Variants in CSGALNACT1 observed in about 807,000 individuals in gnomAD.
CSGALNACT1 encodes chondroitin sulfate N-acetylgalactosaminyltransferase 1.
CSGALNACT1 carries 52 observed loss-of-function variants against 51.0 expected under a neutral mutation model. The observed-to-expected ratio is 1.02, with a 90% CI of 0.82 to 1.29. The LOEUF (loss-of-function observed/expected upper bound fraction) is 1.29. Ranked by LOEUF, CSGALNACT1 falls within the 50% of genes most tolerant of loss-of-function variation. The pLI is 0.00. For missense variants in CSGALNACT1, 935 were observed against 679.2 expected, an observed-to-expected ratio of 1.38 and a Z score of -4.19; for synonymous variants, 341 against 254.4, an observed-to-expected ratio of 1.34 and a Z score of -3.24.
chr8:19,725,259 G>A (rs1340926307), intron 1 of CSGALNACT1, among the ~76,000 whole-genome samples: 1 of 152,188 alleles, frequency 6.6e-6, no homozygotes, highest in African/African-American at 2.4e-5. Flanking sequence ...TAAAGAGATG[G>A]CTGAGTTTTG....
chr8:19,739,419 T>G (rs1222222524), intron 1 of CSGALNACT1, among the ~76,000 whole-genome samples: 1 of 152,146 alleles, frequency 6.6e-6, no homozygotes, highest in Non-Finnish European at 1.5e-5. Flanking sequence ...TACTCTTCTC[T>G]CTGGGTTTGA....
At chr8:19,618,756 G>T (rs1302259319) in intron 1 of CSGALNACT1, among the ~76,000 whole-genome samples, 5 of 152,028 alleles carry the variant, frequency 3.3e-5, no homozygotes, top group African/African-American at 1.2e-4. Context: ...TCAGACGGGG[G>T]ACATGACTCT....
intron 1 of CSGALNACT1, among the ~76,000 whole-genome samples, chr8:19,689,622 A>G (rs1356722813): frequency 6.6e-6 from 1 of 152,186 alleles, no homozygotes; most frequent in Non-Finnish European, 1.5e-5. Flanking sequence ...CTATGTATTA[A>G]ACTATTAAGA....
At chr8:19,674,667 G>C (rs182351998) in intron 1 of CSGALNACT1, among the ~76,000 whole-genome samples, 1 of 152,220 alleles carries the variant, frequency 6.6e-6, no homozygotes, top group East Asian at 1.9e-4. Context: ...GTGAAATAAA[G>C]CTTGACAGAA....
chr8:19,417,128 T>C (rs1344920504), intron 8 of CSGALNACT1, among the ~76,000 whole-genome samples: 1 of 152,170 alleles, frequency 6.6e-6, no homozygotes, highest in African/African-American at 2.4e-5. Flanking sequence ...GTGCTGGCAT[T>C]AAAGACATGA....
chr8:19,714,578 C>A (rs28642298), intron 1 of CSGALNACT1, among the ~76,000 whole-genome samples: 2,388 of 151,962 alleles, frequency 0.016, 71 homozygotes, highest in African/African-American at 0.055. Flanking sequence ...AATTTTTTCT[C>A]TTTGTGTTTT....
intron 3 of CSGALNACT1, among the ~76,000 whole-genome samples, chr8:19,555,835 G>C (rs895292872): frequency 2.0e-5 from 3 of 152,164 alleles, no homozygotes; most frequent in African/African-American, 7.2e-5. Context: ...TGGTATGTGA[G>C]TGACTGAAAT....
chr8:19,645,387 A>G (rs530684741), intron 1 of CSGALNACT1, among the ~76,000 whole-genome samples: 2 of 152,342 alleles, frequency 1.3e-5, no homozygotes, highest in Non-Finnish European at 2.9e-5. Flanking sequence ...TCAAGCACCA[A>G]ATTCCCTTTG....
Position 19,577,803 on chromosome 8 carries a change from A to T in CSGALNACT1, c.-297+13357T>A, listed in dbSNP as rs149353851. 1.8e-4 allele frequency among the ~76,000 whole-genome samples: 27 copies of T among 152,250 alleles called. No individual in the cohort carries two copies. The East Asian group carries it at 4.8e-3, about 27-fold the overall frequency. On this transcript the variant is annotated intron_variant, in intron 3 of 9. Coordinates refer to ENST00000454498, the Ensembl canonical transcript of CSGALNACT1. ...CTTTGGAGTTAATACTGTGTCTTTAACTGTAAAACTGTAAAGTTAGAGAGG... is the reference window on the plus strand; with the variant it reads ...CTTTGGAGTTAATACTGTGTCTTTATCTGTAAAACTGTAAAGTTAGAGAGG...
intron 8 of CSGALNACT1, among the ~76,000 whole-genome samples, chr8:19,413,612 G>C (rs1032818111): frequency 6.6e-6 from 1 of 152,210 alleles, no homozygotes; most frequent in African/African-American, 2.4e-5. Flanking sequence ...GGTTTCAACT[G>C]AACTGCAATA....
upstream of CSGALNACT1, chr8:19,682,756 A>G (rs1344232969): frequency 8.8e-6 from 4 of 454,066 alleles, no homozygotes; most frequent in South Asian, 6.2e-5. Context: ...ATCCCAGAAC[A>G]AGCCCGTCTG....
At chr8:19,702,740 A>T (rs2061950189) in intron 1 of CSGALNACT1, among the ~76,000 whole-genome samples, 1 of 151,986 alleles carries the variant, frequency 6.6e-6, no homozygotes, top group African/African-American at 2.4e-5. Context: ...ATGTGTCTAT[A>T]CCAGACCTCG....
At chr8:19,555,672 T>G (rs1482758361) in intron 3 of CSGALNACT1, among the ~76,000 whole-genome samples, 1 of 152,238 alleles carries the variant, frequency 6.6e-6, no homozygotes, top group Non-Finnish European at 1.5e-5. Context: ...ACTATACATC[T>G]TCAGACTTCA....
intron 1 of CSGALNACT1, among the ~76,000 whole-genome samples, chr8:19,704,013 C>T (rs2062023223): frequency 6.6e-6 from 1 of 152,196 alleles, no homozygotes; most frequent in African/African-American, 2.4e-5. Context: ...TCCAGCCCCA[C>T]TCAGTAAGCC....
intron 3 of CSGALNACT1, among the ~76,000 whole-genome samples, chr8:19,516,053 C>T (rs1270742635): frequency 6.6e-6 from 1 of 152,154 alleles, no homozygotes; most frequent in African/African-American, 2.4e-5. Context: ...TCTTTTGGGG[C>T]TCTTGGTGCC....
intron 1 of CSGALNACT1, among the ~76,000 whole-genome samples, chr8:19,614,087 T>C (rs1291111997): frequency 6.6e-6 from 1 of 152,236 alleles, no homozygotes; most frequent in African/African-American, 2.4e-5. Context: ...TGATGTAGAA[T>C]CTTTTAGTTC....
intron 4 of CSGALNACT1, among the ~76,000 whole-genome samples, chr8:19,465,902 G>C (rs1433236140): frequency 6.6e-6 from 1 of 152,178 alleles, no homozygotes; most frequent in East Asian, 1.9e-4. Context: ...TGCAGAAGAA[G>C]ATAACTCAGC....
rs1159962282 is a variant in CSGALNACT1 at position 19,666,943 on chromosome 8, AAAAGAAAGAAAG to A, written c.-544+15518_-544+15529del. Among the ~76,000 whole-genome samples the A allele has an allele frequency of 3.4e-3, 270 of 79,432 alleles. 1 individual carries two copies. The highest frequency in any genetic ancestry group is 3.8e-3 in the East Asian group (11 of 2,880). 52.1% of individuals were successfully genotyped at this position (79,432 alleles called of 152,430 possible). A position where few individuals can be genotyped will look rare whatever the true frequency, so the allele number is the denominator to read the frequency against. ...GAAGGGAGAGACAGAGAGAGAGAGAAAAAGAAAGAAAGAAAGAAAGAAAGAAAGAAAGAAAGA... is the reference window on the plus strand; with the variant it reads ...GAAGGGAGAGACAGAGAGAGAGAGAAAAAGAAAGAAAGAAAGAAAGAAAGA... On this transcript the variant is annotated intron_variant, in intron 1 of 9. Transcript: ENST00000332246.
At chr8:19,573,936 AT>A (rs1214613340) in intron 3 of CSGALNACT1, among the ~76,000 whole-genome samples, 4 of 152,138 alleles carry the variant, frequency 2.6e-5, no homozygotes, top group African/African-American at 9.7e-5. Flanking sequence ...ACTTATTTTA[AT>A]TTTTAGAGAA....
Sources: allele counts gnomAD v4.1 joint callset (sites outside exome capture counted in the v4.1 genomes callset), GRCh38; gene constraint gnomAD v4.1.1; transcripts MANE v1.5; gene names NCBI Gene and HGNC (gene_info 2026-07-23, HGNC 2026-07-21).